QSER1: variants seen among roughly 807,000 people sequenced by gnomAD.
QSER1 encodes the protein glutamine and serine rich 1.
In QSER1, 49 loss-of-function variants were observed where a neutral mutation model predicts 158.5. That is an observed-to-expected ratio of 0.31 (90% confidence interval 0.25 to 0.39). The LOEUF is 0.39. Ranked by LOEUF, QSER1 falls within the 10% of genes least tolerant of loss-of-function variation. QSER1 has a pLI of 1.00. For synonymous variants in QSER1, 650 were observed against 715.5 expected (o/e 0.91, Z 1.46); for missense variants, 1,754 against 2,010.3 (o/e 0.87, Z 2.44).
At chr11:32,965,705 G>A in intron 8 of QSER1, among the ~76,000 whole-genome samples, 1 of 152,032 alleles carries the variant, frequency 6.6e-6, no homozygotes, top group East Asian at 1.9e-4. Flanking sequence ...CCAACACTTT[G>A]GTAGGCTGAG....
intron 4 of QSER1, among the ~76,000 whole-genome samples, chr11:32,951,838 A>AT (rs34354021): frequency 0.7 from 94,744 of 135,978 alleles, 33,552 homozygotes; most frequent in East Asian, 0.94. Flanking sequence ...ATTCCTTGGG[A>AT]TTTTTTTTTT....
At chr11:32,940,015 C>T (rs1852207394) in intron 4 of QSER1, among the ~76,000 whole-genome samples, 4 of 147,816 alleles carry the variant, frequency 2.7e-5, no homozygotes, top group Admixed American at 2.0e-4. Context: ...GCAACTGGGA[C>T]TGCCCTTGGG....
chr11:32,898,508 ACAC>A, intron 1 of QSER1, among the ~76,000 whole-genome samples: 1 of 151,838 alleles, frequency 6.6e-6, no homozygotes, highest in South Asian at 2.1e-4. Flanking sequence ...ACACACACAC[ACAC>A]ACACACACAC....
intron 12 of QSER1, 182 bp downstream of exon 12, chr11:32,975,525 C>T (rs190905828): frequency 7.3e-4 from 1,067 of 1,454,658 alleles, no homozygotes; most frequent in Non-Finnish European, 9.0e-4. Context: ...GTTTTGTGCT[C>T]AGATTTACCC....
chr11:32,941,784 C>T (rs1207020251), intron 4 of QSER1, among the ~76,000 whole-genome samples: 1 of 151,988 alleles, frequency 6.6e-6, no homozygotes, highest in Non-Finnish European at 1.5e-5. Context: ...ATTTCTAGTT[C>T]TAGATCCCTG....
chr11:32,914,231 C>T, intron 1 of QSER1, among the ~76,000 whole-genome samples: 1 of 152,152 alleles, frequency 6.6e-6, no homozygotes, highest in East Asian at 1.9e-4. Context: ...CTACAAAGAA[C>T]ATTAGGCTTT....
chr11:32,897,191 C>T (rs186626111), intron 1 of QSER1, among the ~76,000 whole-genome samples: 2 of 152,060 alleles, frequency 1.3e-5, no homozygotes, highest in Admixed American at 6.5e-5. Flanking sequence ...TTCTTTTTAC[C>T]ATCCTTTTAT....
chr11:32,916,782 A>AT (rs57526642), intron 1 of QSER1, among the ~76,000 whole-genome samples: 9,728 of 145,452 alleles, frequency 0.067, 660 homozygotes, highest in African/African-American at 0.17. Context: ...GCATGACTCT[A>AT]TTTTTTTTTT....
intron 4 of QSER1, among the ~76,000 whole-genome samples, chr11:32,943,780 T>A (rs1227149759): frequency 1.3e-5 from 2 of 152,202 alleles, no homozygotes; most frequent in Non-Finnish European, 1.5e-5. Context: ...CCTCTTTTTC[T>A]ATTGATTGCA....
chr11:32,928,622 TATTTC>T (rs1852006267), intron 3 of QSER1, among the ~76,000 whole-genome samples: 1 of 152,198 alleles, frequency 6.6e-6, no homozygotes. Flanking sequence ...TGTGCTTTTC[TATTTC>T]ATTTTTCTTA....
intron 1 of QSER1, among the ~76,000 whole-genome samples, chr11:32,924,161 T>C (rs1244667810): frequency 6.6e-6 from 1 of 152,196 alleles, no homozygotes; most frequent in African/African-American, 2.4e-5. Flanking sequence ...TAGGAGAATG[T>C]ATTAGTGACT....
Position 32,969,236 on chromosome 11 carries a change from A to G in QSER1, c.5205+93A>G, listed in dbSNP as rs181476939. ...AAATTTATGAAAATTATTCACTTAC[A>G]ACATTTTTCACCTAATGAAAATTTG... On this transcript the variant is annotated intron_variant, in intron 10 of 12. Transcript: ENST00000650167. 4.9e-5 allele frequency: 39 copies of G among 797,590 alleles called. No homozygotes were observed. The African/African-American group carries it at 5.6e-4, about 11-fold the overall frequency. The allele number at this position is 797,590 out of a possible 1,614,324, so 49.4% of individuals were successfully genotyped here. A position where few individuals can be genotyped will look rare whatever the true frequency, so the allele number is the denominator to read the frequency against.
intron 1 of QSER1, among the ~76,000 whole-genome samples, chr11:32,894,183 G>A (rs1851525166): frequency 6.6e-6 from 1 of 152,166 alleles, no homozygotes; most frequent in African/African-American, 2.4e-5. Flanking sequence ...TGGGGTTCAA[G>A]AGTTCATCTT....
intron 3 of QSER1, among the ~76,000 whole-genome samples, chr11:32,928,940 A>C (rs1852009772): frequency 6.6e-6 from 1 of 152,130 alleles, no homozygotes; most frequent in Non-Finnish European, 1.5e-5. Flanking sequence ...TGAAATAATT[A>C]TATATTTCAT....
At chr11:32,938,267 T>C (rs1019468838) in intron 4 of QSER1, among the ~76,000 whole-genome samples, 2 of 152,204 alleles carry the variant, frequency 1.3e-5, no homozygotes, top group Non-Finnish European at 2.9e-5. Flanking sequence ...ATGCACAACC[T>C]GAGTCATTAA....
At chr11:32,947,755 A>G (rs929290596) in intron 4 of QSER1, among the ~76,000 whole-genome samples, 5 of 152,148 alleles carry the variant, frequency 3.3e-5, no homozygotes, top group African/African-American at 9.7e-5. Context: ...CCATTATGTT[A>G]TATTATTTTT....
In QSER1 at chr11:32,934,923, T is replaced by C. The variant is rs897842082; in HGVS notation, c.3665T>C (p.Leu1222Pro). 1 of 1,613,710 alleles carries C rather than the reference T, an allele frequency of 6.2e-7. No homozygotes were observed. The highest frequency in any genetic ancestry group is 8.5e-7 in the Non-Finnish European group (1 of 1,179,940). Residue 1222 changes from leucine to proline, a missense_variant, in exon 4 of 13, where the codon CTG (leucine) becomes CCG (proline). Around this residue, in one of 2 missense-constraint regions of QSER1, gnomAD observed 1,707 missense variants for 1,919.6 expected, o/e 0.89. Transcript: ENST00000650167. ...KEEDNSNQKQ[L>P]KRPAQGKRQN... ...GAAGACAACAGTAATCAGAAACAGCTGAAAAGACCTGCCCAAGGCAAACGC... is the reference window on the plus strand; with the variant it reads ...GAAGACAACAGTAATCAGAAACAGCCGAAAAGACCTGCCCAAGGCAAACGC...
intron 1 of QSER1, among the ~76,000 whole-genome samples, chr11:32,922,641 T>C (rs1461704616): frequency 2.0e-5 from 3 of 151,974 alleles, no homozygotes; most frequent in African/African-American, 7.3e-5. Flanking sequence ...TGTGCCACCA[T>C]GCCTGGCTAA....
chr11:32,930,580 G>A (rs1027213016), intron 3 of QSER1, among the ~76,000 whole-genome samples: 2 of 152,086 alleles, frequency 1.3e-5, no homozygotes, highest in African/African-American at 4.8e-5. Flanking sequence ...TTTCAAAGAG[G>A]AATTAACAGT....
Sources: gnomAD v4.1 joint callset for allele counts (sites outside exome capture counted in the v4.1 genomes callset) on GRCh38, gnomAD v4.1.1 for gene constraint, gnomAD v4.1.1 regional missense constraint, MANE v1.5 for transcripts, NCBI Gene and HGNC (gene_info 2026-07-23, HGNC 2026-07-21) for gene names.